BCAR3: variants seen among roughly 807,000 people sequenced by gnomAD.
The protein encoded by BCAR3 is breast cancer anti-estrogen resistance protein 3.
In BCAR3, 37 loss-of-function variants were observed where a neutral mutation model predicts 80.1. That is an observed-to-expected ratio of 0.46 (90% CI 0.36 to 0.61). The LOEUF (loss-of-function observed/expected upper bound fraction) is 0.61. Among genes scored for constraint, BCAR3 ranks in the 20% least tolerant of loss-of-function variants. BCAR3 has a pLI of 0.00. For missense variants in BCAR3, 978 were observed against 1,068.2 expected, an observed-to-expected ratio of 0.92 and a Z score of 1.18; for synonymous variants, 389 against 418.9, an observed-to-expected ratio of 0.93 and a Z score of 0.87.
At chr1:93,771,814 T>C (rs12143888) in intron 2 of BCAR3, among the ~76,000 whole-genome samples, 17,773 of 152,182 alleles carry the variant, frequency 0.12, 1,455 homozygotes, top group African/African-American at 0.22. Flanking sequence ...ACCAGGAAGC[T>C]ATCCCTTCTC....
chr1:93,805,420 G>A (rs909871307), intron 2 of BCAR3, among the ~76,000 whole-genome samples: 2 of 152,356 alleles, frequency 1.3e-5, no homozygotes, highest in South Asian at 4.1e-4. Context: ...ATGTGCAGCA[G>A]TTGACACCCT....
chr1:93,591,825 C>G (rs1017552750), intron 4 of BCAR3, among the ~76,000 whole-genome samples: 4 of 152,172 alleles, frequency 2.6e-5, no homozygotes, highest in Non-Finnish European at 4.4e-5. Flanking sequence ...GGGGCAGAGG[C>G]AGCCTTGTTG....
intron 2 of BCAR3, among the ~76,000 whole-genome samples, chr1:93,664,590 T>C (rs1461082655): frequency 6.6e-6 from 1 of 152,188 alleles, no homozygotes; most frequent in Non-Finnish European, 1.5e-5. Context: ...GGTGAGTCTA[T>C]ATAGGAATCC....
At chr1:93,799,993 G>A (rs1198466332) in intron 2 of BCAR3, among the ~76,000 whole-genome samples, 1 of 152,176 alleles carries the variant, frequency 6.6e-6, no homozygotes, top group Admixed American at 6.5e-5. Context: ...TCACAATCTT[G>A]TTAATGGTTC....
intron 5 of BCAR3, 58 bp from the exon 6 acceptor site, chr1:93,584,179 TA>T: frequency 1.3e-6 from 2 of 1,494,342 alleles, no homozygotes; most frequent in South Asian, 2.4e-5. Context: ...ATAAAACTTT[TA>T]GGCAATGCCA....
At chr1:93,739,412 A>G (rs750351232) in intron 2 of BCAR3, among the ~76,000 whole-genome samples, 2 of 152,232 alleles carry the variant, frequency 1.3e-5, no homozygotes, top group Non-Finnish European at 2.9e-5. Flanking sequence ...AAAAAGAACT[A>G]GTAATGACTG....
At chr1:93,702,091 G>A (rs1157516178) in intron 3 of BCAR3, among the ~76,000 whole-genome samples, 1 of 152,100 alleles carries the variant, frequency 6.6e-6, no homozygotes, top group African/African-American at 2.4e-5. Flanking sequence ...ACCCACTGGC[G>A]CTGTGGCAAT....
At chr1:93,796,544 C>G (rs886890128) in intron 2 of BCAR3, among the ~76,000 whole-genome samples, 1 of 151,018 alleles carries the variant, frequency 6.6e-6, no homozygotes, top group Non-Finnish European at 1.5e-5. Context: ...CACTGGCCTG[C>G]GCCCACTGTC....
intron 2 of BCAR3, among the ~76,000 whole-genome samples, chr1:93,801,079 C>T (rs999414113): frequency 2.0e-5 from 3 of 152,218 alleles, no homozygotes; most frequent in Non-Finnish European, 2.9e-5. Context: ...TTGATTCCCT[C>T]GGAGCCCGTA....
At chr1:93,590,927 T>C (rs1165670494) in intron 4 of BCAR3, among the ~76,000 whole-genome samples, 1 of 152,086 alleles carries the variant, frequency 6.6e-6, no homozygotes, top group African/African-American at 2.4e-5. Flanking sequence ...GTGAGTAGAA[T>C]GGGCTACCAA....
rs1178412716 is a variant in BCAR3, at chr1:93,589,183, G to C, written c.723C>G (p.Ile241Met). The change falls in exon 5 of 12, where the codon ATC (isoleucine) becomes ATG (methionine). Residue 241 changes from isoleucine to methionine, a missense_variant. Ile to Met is a conservative substitution (Grantham distance 10). Transcript: ENST00000260502. ...VRCYVGNRRP[I>M]SQQSGAIIFQ... The stretch of plus-strand genomic sequence containing the variant: ...AGATGATGGCGCCACTCTGCTGGGA[G>C]ATGGGCCGGCGGTTGCCCACGTAGC... 6.2e-7 allele frequency: 1 copy of C among 1,613,902 alleles called. No individual in the cohort carries two copies. Among genetic ancestry groups the C allele is most frequent in the East Asian group, 2.2e-5 (1 of 44,882 alleles).
chr1:93,646,456 G>A (rs1257126921), intron 2 of BCAR3: 1 of 152,008 alleles, frequency 6.6e-6, no homozygotes, highest in Non-Finnish European at 1.5e-5. Context: ...TACAAAATTA[G>A]CCTGGCATGG....
At chr1:93,666,298 T>C (rs1647909886) in intron 2 of BCAR3, among the ~76,000 whole-genome samples, 1 of 152,234 alleles carries the variant, frequency 6.6e-6, no homozygotes, top group Non-Finnish European at 1.5e-5. Flanking sequence ...ATAGCTGAAG[T>C]TAATTTTAAT....
intron 2 of BCAR3, among the ~76,000 whole-genome samples, chr1:93,729,981 T>C (rs1318074511): frequency 6.6e-6 from 1 of 152,238 alleles, no homozygotes; most frequent in Non-Finnish European, 1.5e-5. Flanking sequence ...AAATCTATTA[T>C]CAAACACTAG....
At chr1:93,652,954 T>C (rs1676369316) in intron 2 of BCAR3, among the ~76,000 whole-genome samples, 2 of 152,252 alleles carry the variant, frequency 1.3e-5, no homozygotes, top group Non-Finnish European at 2.9e-5. Flanking sequence ...GAAATGATAT[T>C]CTTACTATTT....
In BCAR3 at chr1:93,630,861, G is replaced by A. The variant is rs556063288; in HGVS notation, c.357+11443C>T. The stretch of plus-strand genomic sequence containing the variant: ...CACATGTATTCACTGTTTAATCCCC[G>A]ATCTTCCCATTTACTGTTAAGGAAA... On this transcript the variant is annotated intron_variant, in intron 3 of 11. Transcript: ENST00000260502. Among the ~76,000 whole-genome samples the A allele has an allele frequency of 3.2e-4, 49 of 152,192 alleles. No homozygotes were observed. The South Asian group carries it at 9.6e-3, about 30-fold the overall frequency.
intron 2 of BCAR3, among the ~76,000 whole-genome samples, chr1:93,836,235 T>A (rs1654762548): frequency 6.6e-6 from 1 of 152,164 alleles, no homozygotes; most frequent in Admixed American, 6.5e-5. Flanking sequence ...ATTTCAGACA[T>A]CAGCCCAACT....
chr1:93,710,421 C>A (rs1229336720), intron 2 of BCAR3, among the ~76,000 whole-genome samples: 1 of 152,182 alleles, frequency 6.6e-6, no homozygotes, highest in Non-Finnish European at 1.5e-5. Flanking sequence ...ACTAAAAACC[C>A]AAAGTTACTA....
intron 3 of BCAR3, among the ~76,000 whole-genome samples, chr1:93,623,128 C>T (rs1429736420): frequency 2.0e-5 from 3 of 152,088 alleles, no homozygotes; most frequent in Non-Finnish European, 4.4e-5. Context: ...AATGGGTATC[C>T]AGTACATAAA....
Sources: allele counts gnomAD v4.1 joint callset (sites outside exome capture counted in the v4.1 genomes callset), GRCh38; gene constraint gnomAD v4.1.1; transcripts MANE v1.5; gene names NCBI Gene and HGNC (gene_info 2026-07-23, HGNC 2026-07-21).